Variants in GABRA2 observed in about 807,000 individuals in gnomAD.
The protein encoded by GABRA2 is gamma-aminobutyric acid receptor subunit alpha-2.
A neutral mutation model predicts 48.7 loss-of-function variants in GABRA2; 16 were observed. That is an observed-to-expected ratio of 0.33 (90% CI 0.22 to 0.50). GABRA2 has a LOEUF of 0.50. Ranked by LOEUF, GABRA2 falls within the 20% of genes least tolerant of loss-of-function variation. GABRA2 has a pLI of 0.98. For missense variants in GABRA2, 275 were observed against 535.6 expected (o/e 0.51, Z 4.80); for synonymous variants, 185 against 184.5 (o/e 1.00, Z -0.02).
chr4:46,356,145 A>C (rs770488186), intron 3 of GABRA2, among the ~76,000 whole-genome samples: 1 of 152,168 alleles, frequency 6.6e-6, no homozygotes, highest in Non-Finnish European at 1.5e-5. Context: ...TAAAATAAAT[A>C]TCTTCAACCA....
chr4:46,342,943 A>G (rs949244781), intron 3 of GABRA2, among the ~76,000 whole-genome samples: 1 of 152,028 alleles, frequency 6.6e-6, no homozygotes, highest in African/African-American at 2.4e-5. Context: ...GATTACAGGT[A>G]TAAGCCACAG....
At position 46,246,120 on chromosome 4, in the gene GABRA2, C is replaced by A. The variant is rs1431010442; in HGVS notation, c.*4188G>T. Among the ~76,000 whole-genome samples the A allele has an allele frequency of 6.6e-6, 1 of 150,868 alleles. No homozygotes were observed. The highest frequency in any genetic ancestry group is 1.5e-5 in the Non-Finnish European group (1 of 67,346). Reference sequence around the variant, plus strand: ...GATGCTTACTATGATAGAATAACGACTCTTAAAATATTTGTGTGTCTACAT... The same window carrying A: ...GATGCTTACTATGATAGAATAACGAATCTTAAAATATTTGTGTGTCTACAT... On this transcript the variant is annotated 3_prime_UTR_variant, in exon 10 of 10. Transcript: ENST00000381620.
At chr4:46,313,151 AT>A (rs1727946414) in intron 4 of GABRA2, among the ~76,000 whole-genome samples, 1 of 149,272 alleles carries the variant, frequency 6.7e-6, no homozygotes, top group Non-Finnish European at 1.5e-5. Context: ...AAATAAATAA[AT>A]AAATAAAATT....
rs370234843 is a variant in GABRA2, at chr4:46,382,430, C to T, written c.187+3644G>A. On this transcript the variant is annotated intron_variant, in intron 3 of 9. Coordinates refer to ENST00000381620, the MANE Select transcript of GABRA2 (RefSeq NM_000807.4). Reference sequence around the variant, plus strand: ...AGGAAGGAAGCTAATGTGACTGAAGCGATGTTAGCAAGAAGGAGAGTTGTG... The same window carrying T: ...AGGAAGGAAGCTAATGTGACTGAAGTGATGTTAGCAAGAAGGAGAGTTGTG... Among the ~76,000 whole-genome samples, 109 of 151,718 alleles carry T rather than the reference C, an allele frequency of 7.2e-4. 1 individual carries two copies. The South Asian group carries it at 0.021, about 29-fold the overall frequency.
intron 6 of GABRA2, among the ~76,000 whole-genome samples, chr4:46,309,775 T>C (rs1727313754): frequency 6.6e-6 from 1 of 152,116 alleles, no homozygotes; most frequent in Non-Finnish European, 1.5e-5. Flanking sequence ...CTTCTGTGCA[T>C]GTCATTTGCA....
chr4:46,270,935 A>G (rs1204867887), intron 8 of GABRA2, among the ~76,000 whole-genome samples: 2 of 151,878 alleles, frequency 1.3e-5, no homozygotes, highest in South Asian at 2.1e-4. Context: ...AGTGCTTTCC[A>G]ATACTGTTGT....
chr4:46,307,906 C>T lies in GABRA2; in HGVS notation c.560-2195G>A, dbSNP rs148517132. On this transcript the variant is annotated intron_variant, in intron 6 of 9. Coordinates refer to ENST00000381620, the MANE Select transcript of GABRA2 (RefSeq NM_000807.4). ...TCTCCCGAAGAGGGCGAGTTATATA[C>T]ATTAACACACATATAAGCCGAGAGG... 3.5e-4 allele frequency among the ~76,000 whole-genome samples: 54 copies of T among 152,254 alleles called. No individual in the cohort carries two copies. The Middle Eastern group carries it at 0.014, about 38-fold the overall frequency.
At chr4:46,269,313 C>G (rs1215580803) in intron 8 of GABRA2, among the ~76,000 whole-genome samples, 1 of 151,514 alleles carries the variant, frequency 6.6e-6, no homozygotes, top group African/African-American at 2.4e-5. Flanking sequence ...TGTATATATA[C>G]AGTTATGTGT....
chr4:46,261,804 A>C (rs1277510571), intron 9 of GABRA2, 122 bp downstream of exon 9: 2 of 846,860 alleles, frequency 2.4e-6, no homozygotes, highest in Non-Finnish European at 3.8e-6. Flanking sequence ...AAAGAAATTG[A>C]TATGATTCAA....
In GABRA2 at chr4:46,389,198, G is replaced by A. The variant is rs115342638; in HGVS notation, c.-10-482C>T. The A allele has an allele frequency of 2.6e-3, 2,613 of 988,060 alleles. 58 individuals are homozygous for A. In the African/African-American group the frequency reaches 0.042, roughly 16 times the overall value. The allele number at this position is 988,060 out of a possible 1,614,324, so 61.2% of individuals were successfully genotyped here. A position where few individuals can be genotyped will look rare whatever the true frequency, so the allele number is the denominator to read the frequency against. ...GCAACCACAGCGGGAAAAGCTAGGG[G>A]CAGGCAGCCCACTTTTGCAATTACT... On this transcript the variant is annotated intron_variant, in intron 1 of 9. Coordinates refer to ENST00000381620, the MANE Select transcript of GABRA2 (RefSeq NM_000807.4).
At chr4:46,374,751 A>G (rs1715431663) in intron 3 of GABRA2, among the ~76,000 whole-genome samples, 1 of 152,030 alleles carries the variant, frequency 6.6e-6, no homozygotes, top group Non-Finnish European at 1.5e-5. Context: ...ATCAGAAGGG[A>G]CATCTTACTT....
intron 3 of GABRA2, among the ~76,000 whole-genome samples, chr4:46,336,044 G>A (rs531372887): frequency 1.3e-5 from 2 of 151,832 alleles, no homozygotes; most frequent in South Asian, 2.1e-4. Context: ...CTTGTGTTTG[G>A]TCTGTCTCCC....
intron 3 of GABRA2, among the ~76,000 whole-genome samples, chr4:46,335,675 T>C (rs374246617): frequency 1.3e-5 from 2 of 152,206 alleles, no homozygotes; most frequent in African/African-American, 4.8e-5. Flanking sequence ...TTCACCATGT[T>C]GGCCAGGCTG....
At chr4:46,389,366 G>T in intron 1 of GABRA2, 4 of 985,370 alleles carry the variant, frequency 4.1e-6, no homozygotes, top group Non-Finnish European at 4.8e-6. Flanking sequence ...CAAGTGCTGC[G>T]AAACGACGCG....
At position 46,389,213 on chromosome 4, in the gene GABRA2, T is replaced by C. The variant is rs1717900810; in HGVS notation, c.-10-497A>G. ...AAAGCTAGGGGCAGGCAGCCCACTTTTGCAATTACTCTACATTACAGTGAA... is the reference window on the plus strand; with the variant it reads ...AAAGCTAGGGGCAGGCAGCCCACTTCTGCAATTACTCTACATTACAGTGAA... On this transcript the variant is annotated intron_variant, in intron 1 of 9. Coordinates refer to ENST00000381620, the MANE Select transcript of GABRA2 (RefSeq NM_000807.4). The C allele has an allele frequency of 5.1e-6, 5 of 988,010 alleles. No individual in the cohort carries two copies. In the African/African-American group the frequency reaches 8.7e-5, roughly 17 times the overall value. 61.2% of individuals were successfully genotyped at this position (988,010 alleles called of 1,614,324 possible).
intron 8 of GABRA2, among the ~76,000 whole-genome samples, chr4:46,269,150 ATAAT>A (rs1718815205): frequency 1.3e-5 from 2 of 151,908 alleles, no homozygotes; most frequent in Admixed American, 1.3e-4. Context: ...AATATAGCTA[ATAAT>A]TAAGTTCTGT....
At chr4:46,256,571 A>T (rs1715883450) in intron 9 of GABRA2, among the ~76,000 whole-genome samples, 1 of 151,518 alleles carries the variant, frequency 6.6e-6, no homozygotes, top group Non-Finnish European at 1.5e-5. Flanking sequence ...TCCCTCCCCC[A>T]AGGTGTTACT....
At chr4:46,381,882 TTAAA>T (rs1716800802) in intron 3 of GABRA2, among the ~76,000 whole-genome samples, 1 of 152,182 alleles carries the variant, frequency 6.6e-6, no homozygotes, top group South Asian at 2.1e-4. Context: ...GGTGTAGTAA[TTAAA>T]TAATCACTCC....
At chr4:46,330,978 T>C (rs898972209) in intron 4 of GABRA2, among the ~76,000 whole-genome samples, 2 of 152,032 alleles carry the variant, frequency 1.3e-5, no homozygotes, top group Non-Finnish European at 2.9e-5. Flanking sequence ...AGCCAAACAA[T>C]AACATTTGGA....
Sources: gnomAD v4.1 joint callset for allele counts (sites outside exome capture counted in the v4.1 genomes callset) on GRCh38, gnomAD v4.1.1 for gene constraint, MANE v1.5 for transcripts, NCBI Gene and HGNC (gene_info 2026-07-23, HGNC 2026-07-21) for gene names.